ZMAT4: variants seen among roughly 807,000 people sequenced by gnomAD.
The protein encoded by ZMAT4 is zinc finger matrin-type 4.
ZMAT4 carries 17 observed loss-of-function variants against 28.7 expected under a neutral mutation model. That is an observed-to-expected ratio of 0.59 (90% confidence interval 0.41 to 0.89). The LOEUF (loss-of-function observed/expected upper bound fraction) is 0.89, where lower values mean the gene tolerates loss of function less well. ZMAT4 is among the 40% of genes least tolerant of loss of function. The probability of loss-of-function intolerance (pLI) is 0.00; values close to 1 mark genes in which losing one functional copy is unlikely to be tolerated. For missense variants in ZMAT4, 240 were observed against 283.8 expected (o/e 0.85, Z 1.11); for synonymous variants, 117 against 109.2 (o/e 1.07, Z -0.44).
At chr8:40,862,287 G>A (rs1478244072) in intron 1 of ZMAT4, among the ~76,000 whole-genome samples, 1 of 151,312 alleles carries the variant, frequency 6.6e-6, no homozygotes, top group Non-Finnish European at 1.5e-5. Flanking sequence ...GGATGAAGCT[G>A]GAAACCATCA....
At chr8:40,845,799 AG>A (rs1816869660) in intron 1 of ZMAT4, among the ~76,000 whole-genome samples, 5 of 104,572 alleles carry the variant, frequency 4.8e-5, no homozygotes, top group South Asian at 4.1e-4. Context: ...AAAAAAAAAG[AG>A]AGAGAGACTA....
chr8:40,611,490 G>A (rs1341239581), intron 5 of ZMAT4, among the ~76,000 whole-genome samples: 1 of 152,030 alleles, frequency 6.6e-6, no homozygotes, highest in Non-Finnish European at 1.5e-5. Flanking sequence ...ATAGGCGCAC[G>A]CCACCACGCC....
intron 3 of ZMAT4, among the ~76,000 whole-genome samples, chr8:40,705,122 T>C (rs147598807): frequency 4.5e-4 from 69 of 152,368 alleles, no homozygotes; most frequent in East Asian, 2.9e-3. Flanking sequence ...AGATTTCTAC[T>C]GAAGAGAGTT....
chr8:40,674,825 G>T lies in ZMAT4; in HGVS notation c.456C>A (p.Ala152=). ...GGGCCATCAGAGGGTTATTAAACCA[G>T]GCTGCACAGAGCCCACAGTATCTGT... The part of the protein sequence containing the change: ...DSDRYCGLCA[A]WFNNPLMAQQ... The change falls in exon 5 of 7, where the codon GCC becomes GCA. Residue 152 remains alanine, a synonymous_variant. Transcript: ENST00000297737. The T allele has an allele frequency of 6.2e-7, 1 of 1,613,924 alleles. No homozygotes were observed. The highest frequency in any genetic ancestry group is 8.5e-7 in the Non-Finnish European group (1 of 1,179,934).
At chr8:40,820,329 T>A (rs1815711414) in intron 2 of ZMAT4, among the ~76,000 whole-genome samples, 1 of 151,410 alleles carries the variant, frequency 6.6e-6, no homozygotes, top group African/African-American at 2.4e-5. Context: ...TGTGTGTATA[T>A]GTGTATGTGT....
At chr8:40,744,314 T>G (rs1346230397) in intron 3 of ZMAT4, among the ~76,000 whole-genome samples, 1 of 152,128 alleles carries the variant, frequency 6.6e-6, no homozygotes, top group African/African-American at 2.4e-5. Flanking sequence ...CTGCTCCTGC[T>G]AGGGGTGAAG....
chr8:40,872,966 A>C (rs1817915723), intron 1 of ZMAT4, among the ~76,000 whole-genome samples: 1 of 152,150 alleles, frequency 6.6e-6, no homozygotes, highest in Non-Finnish European at 1.5e-5. Context: ...AGCACAGCAG[A>C]AACCATGGCC....
At chr8:40,672,886 A>G (rs999955411) in intron 5 of ZMAT4, among the ~76,000 whole-genome samples, 4 of 152,206 alleles carry the variant, frequency 2.6e-5, no homozygotes, top group Non-Finnish European at 4.4e-5. Context: ...AGTACCATTG[A>G]CTCAAAAGCT....
intron 6 of ZMAT4, among the ~76,000 whole-genome samples, chr8:40,578,911 G>A (rs981150813): frequency 4.6e-5 from 7 of 152,166 alleles, no homozygotes; most frequent in Non-Finnish European, 8.8e-5. Flanking sequence ...CTAAGTTCGT[G>A]TTAACTGAAT....
At chr8:40,872,950 T>C (rs1256139669) in intron 1 of ZMAT4, among the ~76,000 whole-genome samples, 2 of 152,092 alleles carry the variant, frequency 1.3e-5, no homozygotes, top group Non-Finnish European at 2.9e-5. Context: ...CAACCCTCTG[T>C]GGACCAGCAC....
chr8:40,729,750 C>T (rs531978481), intron 3 of ZMAT4, among the ~76,000 whole-genome samples: 23 of 152,140 alleles, frequency 1.5e-4, no homozygotes, highest in Non-Finnish European at 2.9e-4. Flanking sequence ...AGGCACGTGC[C>T]ACCACACCCA....
At chr8:40,639,659 C>T (rs150717188) in intron 5 of ZMAT4, among the ~76,000 whole-genome samples, 14 of 148,306 alleles carry the variant, frequency 9.4e-5, no homozygotes, top group African/African-American at 2.5e-4. Context: ...CTCAAGAACA[C>T]GCACAATGAA....
intron 5 of ZMAT4, among the ~76,000 whole-genome samples, chr8:40,672,326 C>A (rs958905046): frequency 4.0e-5 from 6 of 151,358 alleles, no homozygotes; most frequent in African/African-American, 1.5e-4. Context: ...TGTGTGTGGC[C>A]TGTGTGTGTG....
At chr8:40,842,245 C>A (rs1033794862) in intron 1 of ZMAT4, among the ~76,000 whole-genome samples, 1 of 152,176 alleles carries the variant, frequency 6.6e-6, no homozygotes, top group African/African-American at 2.4e-5. Context: ...CTGAGCTATA[C>A]CCTCCCATGG....
chr8:40,638,567 A>C (rs1325134648), intron 5 of ZMAT4, among the ~76,000 whole-genome samples: 1 of 152,244 alleles, frequency 6.6e-6, no homozygotes, highest in Non-Finnish European at 1.5e-5. Flanking sequence ...TGTTCAGAGA[A>C]TCAATGGCAA....
chr8:40,688,371 G>A (rs1192199305), intron 4 of ZMAT4, among the ~76,000 whole-genome samples: 3 of 152,138 alleles, frequency 2.0e-5, no homozygotes, highest in Non-Finnish European at 4.4e-5. Flanking sequence ...CAGGAGAATT[G>A]CTTGAACCCA....
At chr8:40,587,632 A>G (rs1804711604) in intron 5 of ZMAT4, among the ~76,000 whole-genome samples, 1 of 152,148 alleles carries the variant, frequency 6.6e-6, no homozygotes, top group African/African-American at 2.4e-5. Flanking sequence ...GCTAAAAAAT[A>G]TAGAGAAAAT....
At chr8:40,873,933 C>T (rs574027117) in intron 1 of ZMAT4, among the ~76,000 whole-genome samples, 10 of 152,082 alleles carry the variant, frequency 6.6e-5, no homozygotes, top group Admixed American at 3.9e-4. Flanking sequence ...GCCCAGCGTG[C>T]GTGATCCTGT....
intron 5 of ZMAT4, among the ~76,000 whole-genome samples, chr8:40,613,180 C>CTTTCTTTTTTTTTTTTTTTTTTTTT (rs71224837): frequency 3.8e-5 from 3 of 79,968 alleles, no homozygotes; most frequent in Non-Finnish European, 6.5e-5. Context: ...TACTTTCTTT[C>CTTTCTTTTTTTTTTTTTTTTTTTTT]TTTTTTTTTT....
Sources: allele counts gnomAD v4.1 joint callset (sites outside exome capture counted in the v4.1 genomes callset), GRCh38; gene constraint gnomAD v4.1.1; transcripts MANE v1.5; gene names NCBI Gene and HGNC (gene_info 2026-07-23, HGNC 2026-07-21).